The following GRM2 variants were observed in gnomAD, a reference collection of about 807,000 sequenced individuals.
The protein encoded by GRM2 is metabotropic glutamate receptor 2.
Under a neutral mutation model 60.4 loss-of-function variants are expected in GRM2, and 35 were observed. That is an observed-to-expected ratio of 0.58 (90% CI 0.44 to 0.77). The LOEUF is 0.77. GRM2 is among the 30% of genes least tolerant of loss of function. GRM2 has a pLI of 0.00. For synonymous variants in GRM2, 437 were observed against 484.1 expected (o/e 0.90, Z 1.28); for missense variants, 925 against 1,199.5 (o/e 0.77, Z 3.38).
At position 51,712,879 on chromosome 3, in the gene GRM2, A is replaced by G. The variant is rs1403293184; in HGVS notation, c.857A>G (p.Asn286Ser). 1.9e-6 allele frequency: 3 copies of G among 1,612,958 alleles called. No individual in the cohort carries two copies. The East Asian group carries it at 6.7e-5, about 36-fold the overall frequency. The change falls in exon 3 of 6, where the codon AAT (asparagine) becomes AGT (serine). Residue 286 changes from asparagine (N) to serine (S), a missense_variant. Transcript: ENST00000395052. The surrounding 1 kb of genome is among the most constrained non-coding windows in gnomAD (Gnocchi z 5.3). Reference sequence around the variant, plus strand: ...CTGCTTGCTGCCAGCCAGCGCCTCAATGCCAGCTTCACCTGGGTGGCCAGT... The same window carrying G: ...CTGCTTGCTGCCAGCCAGCGCCTCAGTGCCAGCTTCACCTGGGTGGCCAGT... ...RELLAASQRL[N>S]ASFTWVASDG...
chr3:51,709,650 CCACACACACACACACCCT>C (rs1703621013), intron 2 of GRM2, among the ~76,000 whole-genome samples: 1 of 116,790 alleles, frequency 8.6e-6, no homozygotes, highest in South Asian at 3.2e-4. Flanking sequence ...CTCATTACTC[CCACACACACACACACCCT>C]CACACACACA....
chr3:51,714,919 A>C, intron 3 of GRM2, 143 bp from the exon 4 acceptor site: 2 of 508,616 alleles, frequency 3.9e-6, no homozygotes, highest in Admixed American at 7.5e-5. Context: ...GGGTCAAGGC[A>C]GGATTTAGTA....
chr3:51,712,592 C>G lies in GRM2; in HGVS notation c.570C>G (p.Phe190Leu). ...YFARTVPPDF[F>L]QAKAMAEILR... ...CCCGCACAGTGCCTCCTGACTTCTT[C>G]CAAGCCAAGGCCATGGCTGAGATTC... is the stretch of plus-strand genomic sequence containing the variant. The change falls in exon 3 of 6, where the codon TTC becomes TTG. Residue 190 changes from phenylalanine (F) to leucine (L), a missense_variant. Transcript: ENST00000395052. This position sits in a 1 kb window ranked among gnomAD's most constrained non-coding sequence, Gnocchi z 5.3. 1 of 1,614,184 alleles carries G rather than the reference C, an allele frequency of 6.2e-7. No homozygotes were observed. The highest frequency in any genetic ancestry group is 2.2e-5 in the East Asian group (1 of 44,892).
At position 51,713,524 on chromosome 3, in the gene GRM2, T is replaced by A; in HGVS notation, c.1288+214T>A. 1 of 547,446 alleles carries A rather than the reference T, an allele frequency of 1.8e-6. No individual in the cohort carries two copies. The highest frequency in any genetic ancestry group is 3.2e-6 in the Non-Finnish European group (1 of 307,846). The allele number at this position is 547,446 out of a possible 1,614,324, so 33.9% of individuals were successfully genotyped here. A position where few individuals can be genotyped will look rare whatever the true frequency, so the allele number is the denominator to read the frequency against. On this transcript the variant is annotated intron_variant, in intron 3 of 5. Coordinates refer to ENST00000395052, the MANE Select transcript of GRM2 (RefSeq NM_000839.5). This position sits in a 1 kb window ranked among gnomAD's most constrained non-coding sequence, Gnocchi z 4.8. ...CACTTTCTTCCAGAGAGTAGACCTC[T>A]GGCCTGGTCCCGCCATTTTGAGGGT... is the stretch of plus-strand genomic sequence containing the variant.
rs201541353 is a variant in GRM2, at chr3:51,715,172, C to T, written c.1399C>T (p.Arg467Cys). The T allele has an allele frequency of 1.8e-5, 29 of 1,613,866 alleles. No individual in the cohort carries two copies. In the Admixed American group the frequency reaches 1.8e-4, roughly 10 times the overall value. Residue 467 changes from arginine (R) to cysteine (C), a missense_variant, in exon 4 of 6, where the codon CGC (arginine) becomes TGC (cysteine). Arg to Cys is a radical substitution (Grantham distance 180). Transcript: ENST00000395052. This position sits in a 1 kb window ranked among gnomAD's most constrained non-coding sequence, Gnocchi z 9.0. ...TCTGCGTGCAGGCAGTGGGCGCTAT[C>T]GCTACCAGAAGGTGGGCTACTGGGC... ...TYLRAGSGRYRYQKVGYWAEG... is the reference protein window; with the variant it reads ...TYLRAGSGRYCYQKVGYWAEG...
In GRM2 at chr3:51,716,138, G is replaced by T; in HGVS notation, c.2364+1G>T. 1 of 1,597,962 alleles carries T rather than the reference G, an allele frequency of 6.3e-7. No individual in the cohort carries two copies. The highest frequency in any genetic ancestry group is 8.6e-7 in the Non-Finnish European group (1 of 1,165,396). On this transcript the variant is annotated splice_donor_variant, in intron 4 of 5. Transcript: ENST00000395052. LOFTEE classifies it high-confidence loss of function. The surrounding 1 kb of genome is among the most constrained non-coding windows in gnomAD (Gnocchi z 4.0). ...CTATGTCACCTCCAGTGACTACCGGGTGAGCTACCTGCCACAGAGGTCGGG... is the reference window on the plus strand; with the variant it reads ...CTATGTCACCTCCAGTGACTACCGGTTGAGCTACCTGCCACAGAGGTCGGG...
Position 51,718,308 on chromosome 3 carries a change from C to T in GRM2, c.*196C>T. The T allele has an allele frequency of 1.6e-6, 1 of 606,862 alleles. No individual in the cohort carries two copies. Among genetic ancestry groups the T allele is most frequent in the Non-Finnish European group, 3.0e-6 (1 of 337,524 alleles). The allele number at this position is 606,862 out of a possible 1,614,324, so 37.6% of individuals were successfully genotyped here. ...CAGGAGCCTTGGCCAGGAGCCTCTG[C>T]AGTGGCCACTAACTGCCCTTGTAGC... is the stretch of plus-strand genomic sequence containing the variant. On this transcript the variant is annotated 3_prime_UTR_variant, in exon 6 of 6. Coordinates refer to ENST00000395052, the MANE Select transcript of GRM2 (RefSeq NM_000839.5). This position sits in a 1 kb window ranked among gnomAD's most constrained non-coding sequence, Gnocchi z 4.2.
At position 51,713,827 on chromosome 3, in the gene GRM2, G is replaced by T; in HGVS notation, c.1288+517G>T. On this transcript the variant is annotated intron_variant, in intron 3 of 5. Coordinates refer to ENST00000395052, the MANE Select transcript of GRM2 (RefSeq NM_000839.5). The surrounding 1 kb of genome is among the most constrained non-coding windows in gnomAD (Gnocchi z 4.8). ...GCTGGAGTGCAGTGGTTATTCACAG[G>T]CACAATACAGCCTCCAACTCCTGGG... 3.2e-6 allele frequency: 1 copy of T among 310,226 alleles called. No homozygotes were observed. Among genetic ancestry groups the T allele is most frequent in the Non-Finnish European group, 6.6e-6 (1 of 152,328 alleles). The allele number at this position is 310,226 out of a possible 1,614,324, so 19.2% of individuals were successfully genotyped here. A position where few individuals can be genotyped will look rare whatever the true frequency, so the allele number is the denominator to read the frequency against.
In GRM2 at chr3:51,715,627, C is replaced by T. The variant is rs752191576; in HGVS notation, c.1854C>T (p.Cys618=). The T allele has an allele frequency of 1.9e-6, 3 of 1,614,252 alleles. No homozygotes were observed. Among genetic ancestry groups the T allele is most frequent in the Non-Finnish European group, 2.5e-6 (3 of 1,180,040 alleles). The change falls in exon 4 of 6, where the codon TGC becomes TGT. Residue 618 remains cysteine, a synonymous_variant. Coordinates refer to ENST00000395052, the MANE Select transcript of GRM2 (RefSeq NM_000839.5). The surrounding 1 kb of genome is among the most constrained non-coding windows in gnomAD (Gnocchi z 9.0). Reference sequence around the variant, plus strand: ...TGGGTGGTGTCTTCCTCTGCTACTGCATGACCTTCATCTTCATTGCCAAGC... The same window carrying T: ...TGGGTGGTGTCTTCCTCTGCTACTGTATGACCTTCATCTTCATTGCCAAGC... The part of the protein sequence containing the change: ...ILLGGVFLCY[C]MTFIFIAKPS...
chr3:51,715,465 C>G lies in GRM2; in HGVS notation c.1692C>G (p.Gly564=). The stretch of plus-strand genomic sequence containing the variant: ...TGCCCCAGGAGTACATCCGCTGGGG[C>G]GATGCCTGGGCTGTGGGACCTGTCA... The part of the protein sequence containing the change: ...FELPQEYIRW[G]DAWAVGPVTI... The change falls in exon 4 of 6, where the codon GGC becomes GGG. Residue 564 remains glycine (G), a synonymous_variant. Transcript: ENST00000395052. The surrounding 1 kb of genome is among the most constrained non-coding windows in gnomAD (Gnocchi z 9.0). 6.2e-7 allele frequency: 1 copy of G among 1,612,498 alleles called. No homozygotes were observed. The highest frequency in any genetic ancestry group is 8.5e-7 in the Non-Finnish European group (1 of 1,179,786).
In GRM2 at chr3:51,715,052, C is replaced by G. The variant is rs890754059; in HGVS notation, c.1289-10C>G. On this transcript the variant is annotated splice_polypyrimidine_tract_variant and intron_variant, in intron 3 of 5. Coordinates refer to ENST00000395052, the MANE Select transcript of GRM2 (RefSeq NM_000839.5). The surrounding 1 kb of genome is among the most constrained non-coding windows in gnomAD (Gnocchi z 9.0). The stretch of plus-strand genomic sequence containing the variant: ...GTCCAACCTTCTCTTCCTTCCCTCC[C>G]CCATCCTAGCCCCCTTTCGCCCAGC... 2 of 1,513,132 alleles carry G rather than the reference C, an allele frequency of 1.3e-6. No individual in the cohort carries two copies. Among genetic ancestry groups the G allele is most frequent in the African/African-American group, 2.8e-5 (2 of 72,396 alleles). 93.7% of individuals were successfully genotyped at this position (1,513,132 alleles called of 1,614,324 possible). A position where few individuals can be genotyped will look rare whatever the true frequency, so the allele number is the denominator to read the frequency against.
chr3:51,712,639 A>G lies in GRM2; in HGVS notation c.617A>G (p.Tyr206Cys), dbSNP rs755009271. The G allele has an allele frequency of 1.2e-6, 2 of 1,614,064 alleles. No individual in the cohort carries two copies. The highest frequency in any genetic ancestry group is 8.5e-7 in the Non-Finnish European group (1 of 1,180,022). The change falls in exon 3 of 6, where the codon TAT (tyrosine) becomes TGT (cysteine). Residue 206 changes from tyrosine (Y) to cysteine (C), a missense_variant. Transcript: ENST00000395052. This position sits in a 1 kb window ranked among gnomAD's most constrained non-coding sequence, Gnocchi z 5.3. ...AEILRFFNWT[Y>C]VSTVASEGDY... ...ATTCTCCGCTTCTTCAACTGGACCT[A>G]TGTGTCCACTGTGGCGTCTGAGGGC...
At position 51,712,601 on chromosome 3, in the gene GRM2, G is replaced by C. The variant is rs1372121874; in HGVS notation, c.579G>C (p.Lys193Asn). The change falls in exon 3 of 6, where the codon AAG becomes AAC. Residue 193 changes from lysine to asparagine, a missense_variant. Lys to Asn is a moderately conservative substitution (Grantham distance 94, BLOSUM62 0). Transcript: ENST00000395052. The surrounding 1 kb of genome is among the most constrained non-coding windows in gnomAD (Gnocchi z 5.3). ...TGCCTCCTGACTTCTTCCAAGCCAA[G>C]GCCATGGCTGAGATTCTCCGCTTCT... ...RTVPPDFFQAKAMAEILRFFN... is the reference protein window; with the variant it reads ...RTVPPDFFQANAMAEILRFFN... 1 of 1,614,162 alleles carries C rather than the reference G, an allele frequency of 6.2e-7. No individual in the cohort carries two copies. Among genetic ancestry groups the C allele is most frequent in the Admixed American group, 1.7e-5 (1 of 60,034 alleles).
intron 2 of GRM2, among the ~76,000 whole-genome samples, chr3:51,709,674 A>ACCCT (rs1410040173): frequency 2.9e-4 from 10 of 34,940 alleles, no homozygotes; most frequent in Non-Finnish European, 6.4e-4. Flanking sequence ...ACCCTCACAC[A>ACCCT]CACACACACA....
In GRM2 at chr3:51,713,744, T is replaced by TTTTCTTTCTTTCTTTC. The variant is rs113498271; in HGVS notation, c.1288+446_1288+461dup. 4 of 230,136 alleles carry TTTTCTTTCTTTCTTTC rather than the reference T, an allele frequency of 1.7e-5. No individual in the cohort carries two copies. Among genetic ancestry groups the TTTTCTTTCTTTCTTTC allele is most frequent in the African/African-American group, 9.5e-5 (4 of 42,040 alleles). The allele number at this position is 230,136 out of a possible 1,614,324, so 14.3% of individuals were successfully genotyped here. On this transcript the variant is annotated intron_variant, in intron 3 of 5. Coordinates refer to ENST00000395052, the MANE Select transcript of GRM2 (RefSeq NM_000839.5). The surrounding 1 kb of genome is among the most constrained non-coding windows in gnomAD (Gnocchi z 4.8). Reference sequence around the variant, plus strand: ...GTCTTTCTTTTTTCTTTTCTTTCTTTTTTCTTTCTTTCTTTCTTTCTTTCT... The same window carrying TTTTCTTTCTTTCTTTC: ...GTCTTTCTTTTTTCTTTTCTTTCTTTTTTCTTTCTTTCTTTCTTTCTTTCTTTCTTTCTTTCTTTCT...
Position 51,713,169 on chromosome 3 carries a change from A to C in GRM2, c.1147A>C (p.Asn383His). The C allele has an allele frequency of 6.2e-7, 1 of 1,613,188 alleles. No homozygotes were observed. Among genetic ancestry groups the C allele is most frequent in the Non-Finnish European group, 8.5e-7 (1 of 1,180,026 alleles). Residue 383 changes from asparagine (N) to histidine (H), a missense_variant, in exon 3 of 6, where the codon AAT becomes CAT. By Grantham distance (68) the Asn-to-His change is moderately conservative. Transcript: ENST00000395052. This position sits in a 1 kb window ranked among gnomAD's most constrained non-coding sequence, Gnocchi z 4.8. The stretch of plus-strand genomic sequence containing the variant: ...GGAGTCCAAGATCATGTTTGTGGTC[A>C]ATGCAGTGTACGCCATGGCCCATGC... ...EQESKIMFVV[N>H]AVYAMAHALH...
At chr3:51,714,796 T>A (rs1232313375) in intron 3 of GRM2, 6 of 374,868 alleles carry the variant, frequency 1.6e-5, no homozygotes, top group Non-Finnish European at 2.4e-5. Flanking sequence ...ATTAGGTTTT[T>A]GGAGATGTCT....
rs773781389 is a variant in GRM2, at chr3:51,715,146, A to G, written c.1373A>G (p.Tyr458Cys). Residue 458 changes from tyrosine (Y) to cysteine (C), a missense_variant, in exon 4 of 6, where the codon TAT becomes TGT. Transcript: ENST00000395052. The surrounding 1 kb of genome is among the most constrained non-coding windows in gnomAD (Gnocchi z 9.0). The stretch of plus-strand genomic sequence containing the variant: ...ATTGGCCGCTACAACATCTTCACCT[A>G]TCTGCGTGCAGGCAGTGGGCGCTAT... The part of the protein sequence containing the change: ...DGIGRYNIFT[Y>C]LRAGSGRYRY... 2 of 1,613,214 alleles carry G rather than the reference A, an allele frequency of 1.2e-6. No individual in the cohort carries two copies. Among genetic ancestry groups the G allele is most frequent in the South Asian group, 1.1e-5 (1 of 90,968 alleles).
chr3:51,707,140 T>A lies in GRM2; in HGVS notation c.-164T>A, dbSNP rs2107078040. On this transcript the variant is annotated 5_prime_UTR_variant, in exon 1 of 6. Coordinates refer to ENST00000395052, the MANE Select transcript of GRM2 (RefSeq NM_000839.5). ...CTCGCGCCCCCCGCTCCACTCCGATTCTCTCCGCGCCAGAGCCAGCGCGCC... is the reference window on the plus strand; with the variant it reads ...CTCGCGCCCCCCGCTCCACTCCGATACTCTCCGCGCCAGAGCCAGCGCGCC... The A allele has an allele frequency of 6.6e-6, 1 of 152,472 alleles. No homozygotes were observed. The highest frequency in any genetic ancestry group is 1.9e-4 in the East Asian group (1 of 5,160). 9.4% of individuals were successfully genotyped at this position (152,472 alleles called of 1,614,324 possible). A position where few individuals can be genotyped will look rare whatever the true frequency, so the allele number is the denominator to read the frequency against.
Sources: allele counts gnomAD v4.1 joint callset (sites outside exome capture counted in the v4.1 genomes callset), GRCh38; gene constraint gnomAD v4.1.1; non-coding constraint Gnocchi (gnomAD v3.1); transcripts MANE v1.5; gene names NCBI Gene and HGNC (gene_info 2026-07-23, HGNC 2026-07-21).